Variants in ZFHX3 observed in about 807,000 individuals in gnomAD.
ZFHX3 encodes the protein zinc finger homeobox 3.
In ZFHX3, 42 loss-of-function variants were observed where a neutral mutation model predicts 279.1. That is an observed-to-expected ratio of 0.15 (90% CI 0.12 to 0.19). ZFHX3 has a LOEUF of 0.19. ZFHX3 is among the 10% of genes least tolerant of loss of function. ZFHX3 has a pLI of 1.00. For synonymous variants in ZFHX3, 2,293 were observed against 1,957.8 expected (o/e 1.17, Z -4.52); for missense variants, 4,981 against 4,754.0 (o/e 1.05, Z -1.40).
In ZFHX3 at chr16:73,143,723, C is replaced by T. The variant is rs77700282; in HGVS notation, c.-1024+29G>A. 949 of 1,301,702 alleles carry T rather than the reference C, an allele frequency of 7.3e-4. 3 individuals are homozygous for T. The African/African-American group carries it at 0.013, about 18-fold the overall frequency. 80.6% of individuals were successfully genotyped at this position (1,301,702 alleles called of 1,614,324 possible). A position where few individuals can be genotyped will look rare whatever the true frequency, so the allele number is the denominator to read the frequency against. On this transcript the variant is annotated intron_variant, in intron 6 of 17. Coordinates refer to the ZFHX3 transcript ENST00000641206. Reference sequence around the variant, plus strand: ...ACTCACCTGGTATAACATTTTCTTTCATTGAGAAACAAGAAAGCTGGAACT... The same window carrying T: ...ACTCACCTGGTATAACATTTTCTTTTATTGAGAAACAAGAAAGCTGGAACT...
intron 2 of ZFHX3, among the ~76,000 whole-genome samples, chr16:73,503,509 C>T (rs2019273692): frequency 1.3e-5 from 2 of 152,212 alleles, no homozygotes; most frequent in South Asian, 2.1e-4. Flanking sequence ...GGCACCTACC[C>T]TCCTGGAGGA....
chr16:73,160,774 T>C (rs1431491759), intron 5 of ZFHX3, among the ~76,000 whole-genome samples: 2 of 143,116 alleles, frequency 1.4e-5, no homozygotes, highest in Non-Finnish European at 3.0e-5. Flanking sequence ...TTTCTCTTCT[T>C]TTTTTTTTTT....
chr16:72,808,863 CAG>C (rs2036352305), intron 7 of ZFHX3, among the ~76,000 whole-genome samples: 1 of 152,204 alleles, frequency 6.6e-6, no homozygotes, highest in Non-Finnish European at 1.5e-5. Flanking sequence ...GGGTCAGTAA[CAG>C]TGGTTATCAA....
In ZFHX3 at chr16:73,170,223, GTTTTTTTTTTTTTTT is replaced by G. The variant is rs1156523996; in HGVS notation, c.-1103-26407_-1103-26393del. ...TTTTTGAAGCATCTTCCTTTCACTA[GTTTTTTTTTTTTTTT>G]TTTTTTTTTTGAGACATAGCTCCAC... On this transcript the variant is annotated intron_variant, in intron 5 of 17. Transcript: ENST00000641206. Among the ~76,000 whole-genome samples, 4 of 57,746 alleles carry G rather than the reference GTTTTTTTTTTTTTTT, an allele frequency of 6.9e-5. No individual in the cohort carries two copies. In the East Asian group the frequency reaches 2.0e-3, roughly 28 times the overall value. 37.9% of individuals were successfully genotyped at this position (57,746 alleles called of 152,430 possible). A position where few individuals can be genotyped will look rare whatever the true frequency, so the allele number is the denominator to read the frequency against.
chr16:72,845,163 C>T (rs1597302685), intron 4 of ZFHX3, among the ~76,000 whole-genome samples: 5 of 152,124 alleles, frequency 3.3e-5, no homozygotes, highest in South Asian at 4.2e-4. Context: ...GGCAGCACTG[C>T]GGAGATGAGG....
chr16:73,756,404 G>C (rs2053809349), intron 1 of ZFHX3, among the ~76,000 whole-genome samples: 1 of 152,304 alleles, frequency 6.6e-6, no homozygotes, highest in Non-Finnish European at 1.5e-5. Flanking sequence ...AAAATAATGT[G>C]ATCGTGAAAG....
intron 5 of ZFHX3, among the ~76,000 whole-genome samples, chr16:73,152,453 T>C (rs1411362148): frequency 6.6e-6 from 1 of 152,108 alleles, no homozygotes; most frequent in Non-Finnish European, 1.5e-5. Flanking sequence ...TAATAATAAA[T>C]GAAATTATTA....
At chr16:73,491,713 A>G (rs2019059316) in intron 2 of ZFHX3, among the ~76,000 whole-genome samples, 1 of 152,192 alleles carries the variant, frequency 6.6e-6, no homozygotes, top group Non-Finnish European at 1.5e-5. Flanking sequence ...CTTGTCAACT[A>G]GGGACAAAAT....
intron 1 of ZFHX3, among the ~76,000 whole-genome samples, chr16:73,801,670 G>C (rs1034134178): frequency 6.6e-6 from 1 of 152,288 alleles, no homozygotes; most frequent in South Asian, 2.1e-4. Context: ...TCTAAAGCGT[G>C]GCTCTGAATT....
intron 2 of ZFHX3, among the ~76,000 whole-genome samples, chr16:73,573,922 C>G (rs34460084): frequency 0.069 from 10,468 of 152,222 alleles, 484 homozygotes; most frequent in Admixed American, 0.14. Context: ...GCTGGTCCAC[C>G]CATACCTACC....
At chr16:73,355,380 G>C (rs367676527) in intron 3 of ZFHX3, among the ~76,000 whole-genome samples, 1 of 152,176 alleles carries the variant, frequency 6.6e-6, no homozygotes, top group East Asian at 1.9e-4. Flanking sequence ...TCTGTAACTA[G>C]AACCAGATCC....
chr16:73,609,313 AGT>A (rs1285625984), intron 2 of ZFHX3: 1 of 152,228 alleles, frequency 6.6e-6, no homozygotes, highest in Non-Finnish European at 1.5e-5. Context: ...TCACTCACAC[AGT>A]GTTTGCTCCC....
intron 5 of ZFHX3, among the ~76,000 whole-genome samples, chr16:73,163,931 C>T (rs1967300732): frequency 6.6e-6 from 1 of 152,062 alleles, no homozygotes; most frequent in Admixed American, 6.6e-5. Context: ...TTCTTGCTTG[C>T]CATAGTCTTG....
Position 72,811,977 on chromosome 16 carries a change from G to C in ZFHX3, c.3591C>G (p.Ser1197=), listed in dbSNP as rs908654200. The change falls in exon 6 of 10, where the codon TCC becomes TCG. Residue 1197 remains serine (S), a synonymous_variant. Transcript: ENST00000268489. ...GGGGAGACTCTGAGCTACCTGGGAA[G>C]GAGATGCGTTTGGAGGTTGCAGGAG... is the stretch of plus-strand genomic sequence containing the variant. The part of the protein sequence containing the change: ...TDSPATSKRI[S]FPGSSESPLS... The C allele has an allele frequency of 1.2e-6, 2 of 1,614,086 alleles. No homozygotes were observed. The highest frequency in any genetic ancestry group is 2.2e-5 in the South Asian group (2 of 91,086).
chr16:73,265,473 T>G (rs1412010608), intron 4 of ZFHX3, among the ~76,000 whole-genome samples: 2 of 151,996 alleles, frequency 1.3e-5, no homozygotes, highest in African/African-American at 2.4e-5. Flanking sequence ...ATGGTGGGGG[T>G]TTTTTTGTTT....
intron 3 of ZFHX3, among the ~76,000 whole-genome samples, chr16:73,336,390 C>G (rs557832258): frequency 8.8e-6 from 1 of 113,500 alleles, no homozygotes; most frequent in Non-Finnish European, 1.7e-5. Flanking sequence ...CTCCTCCCAC[C>G]CCCCACCCTC....
chr16:73,218,019 T>C (rs956614744), intron 5 of ZFHX3, among the ~76,000 whole-genome samples: 2 of 152,200 alleles, frequency 1.3e-5, no homozygotes, highest in Admixed American at 1.3e-4. Flanking sequence ...TGTCTTCCAG[T>C]TTTATTCTGA....
At chr16:73,048,342 C>G (rs1452762825), upstream of ZFHX3, 1 of 151,760 alleles carries the variant, frequency 6.6e-6, no homozygotes, top group Non-Finnish European at 1.5e-5. Context: ...GCCCGCCCGC[C>G]CGCAGGGACC....
At chr16:73,020,662 A>G (rs1167525930) in intron 1 of ZFHX3, among the ~76,000 whole-genome samples, 3 of 152,182 alleles carry the variant, frequency 2.0e-5, no homozygotes, top group Non-Finnish European at 2.9e-5. Context: ...CAGACCTCCA[A>G]TGTTGAGTTT....
Sources: gnomAD v4.1 joint callset for allele counts (sites outside exome capture counted in the v4.1 genomes callset) on GRCh38, gnomAD v4.1.1 for gene constraint, MANE v1.5 for transcripts, NCBI Gene and HGNC (gene_info 2026-07-23, HGNC 2026-07-21) for gene names.